PSD3: variants seen among roughly 807,000 people sequenced by gnomAD.
The protein encoded by PSD3 is PH and SEC7 domain-containing protein 3.
Under a neutral mutation model 105.5 loss-of-function variants are expected in PSD3, and 49 were observed. That is an observed-to-expected ratio of 0.46 (90% CI 0.37 to 0.59). PSD3 has a LOEUF of 0.59. Among genes scored for constraint, PSD3 ranks in the 20% least tolerant of loss-of-function variants. The pLI, the probability that PSD3 is intolerant of heterozygous loss-of-function variation, is 0.00. For synonymous variants in PSD3, 557 were observed against 457.8 expected, an observed-to-expected ratio of 1.22 and a Z score of -2.77; for missense variants, 1,561 against 1,263.8, an observed-to-expected ratio of 1.24 and a Z score of -3.57.
intron 8 of PSD3, among the ~76,000 whole-genome samples, chr8:18,785,937 G>A (rs1434247594): frequency 2.0e-5 from 3 of 152,168 alleles, no homozygotes; most frequent in Non-Finnish European, 4.4e-5. Context: ...ATTGAAAAAT[G>A]GCACTGATAA....
chr8:18,541,532 T>C (rs1431896117), intron 15 of PSD3, among the ~76,000 whole-genome samples: 1 of 152,250 alleles, frequency 6.6e-6, no homozygotes, highest in East Asian at 1.9e-4. Context: ...CCTGTCAGTA[T>C]TGAAGCTCAT....
At chr8:18,640,238 C>T (rs151318527) in intron 10 of PSD3, among the ~76,000 whole-genome samples, 75 of 152,250 alleles carry the variant, frequency 4.9e-4, no homozygotes, top group African/African-American at 1.6e-3. Flanking sequence ...ACCTATGCTG[C>T]TAAGTGTAGG....
intron 1 of PSD3, among the ~76,000 whole-genome samples, chr8:18,992,866 G>A (rs1390356991): frequency 2.6e-5 from 4 of 151,660 alleles, no homozygotes; most frequent in South Asian, 2.1e-4. Flanking sequence ...TCTAAGGTCC[G>A]TCTGAGCTCT....
chr8:18,721,319 G>T (rs1015691781), intron 9 of PSD3: 3 of 150,168 alleles, frequency 2.0e-5, no homozygotes, highest in Non-Finnish European at 4.4e-5. Flanking sequence ...GCACCCAGGG[G>T]TGCTATGTAA....
rs541472553 is a variant in PSD3 at position 18,702,419 on chromosome 8, C to G, written c.2173-46734G>C. ...TAGCACATCTTTACCTTAATTGGTA[C>G]TGTTTTCCCCTTTTTGTATTGTGAA... On this transcript the variant is annotated intron_variant, in intron 9 of 15. Coordinates refer to ENST00000327040, the MANE Select transcript of PSD3 (RefSeq NM_015310.4). 2.2e-3 allele frequency among the ~76,000 whole-genome samples: 329 copies of G among 152,292 alleles called. 2 individuals are homozygous for G. The highest frequency in any genetic ancestry group is 7.6e-3 in the African/African-American group (317 of 41,552).
intron 9 of PSD3, among the ~76,000 whole-genome samples, chr8:18,665,508 T>TA (rs1414214305): frequency 6.6e-6 from 1 of 152,242 alleles, no homozygotes. Flanking sequence ...AGATGGAAAC[T>TA]ACCCCCGGTG....
At chr8:18,978,809 C>G (rs547509656) in intron 1 of PSD3, among the ~76,000 whole-genome samples, 17 of 152,306 alleles carry the variant, frequency 1.1e-4, no homozygotes, top group African/African-American at 4.1e-4. Context: ...CAATCCCTCT[C>G]AATGACAATG....
chr8:18,887,955 T>C (rs562905316), intron 2 of PSD3, among the ~76,000 whole-genome samples: 28 of 152,262 alleles, frequency 1.8e-4, no homozygotes, highest in African/African-American at 6.7e-4. Flanking sequence ...ATTTTATAGA[T>C]GAAACTACTA....
rs935802260 is a variant in PSD3 at position 18,804,515 on chromosome 8, G to C, written c.1910+7C>G. 6 of 1,595,684 alleles carry C rather than the reference G, an allele frequency of 3.8e-6. No homozygotes were observed. The highest frequency in any genetic ancestry group is 5.2e-6 in the Non-Finnish European group (6 of 1,163,586). ...CAATGACGAGCAGCAAGGAGGCTTAGTCATACCTGAGTGACTGATCCAGCG... is the reference window on the plus strand; with the variant it reads ...CAATGACGAGCAGCAAGGAGGCTTACTCATACCTGAGTGACTGATCCAGCG... On this transcript the variant is annotated splice_region_variant and intron_variant, in intron 6 of 15. Transcript: ENST00000327040.
chr8:18,791,843 T>A (rs570913024), intron 8 of PSD3, among the ~76,000 whole-genome samples: 3 of 152,280 alleles, frequency 2.0e-5, no homozygotes, highest in African/African-American at 7.2e-5. Flanking sequence ...AATGGTCTAA[T>A]ACCCGGCACC....
Position 18,587,095 on chromosome 8 carries a change from G to A in PSD3, c.2482-11810C>T, listed in dbSNP as rs375871599. ...AATAGTGGGGGATTGGCTGAAGAAG[G>A]GAAGAAGAAGGAGAGACATTTCTGC... On this transcript the variant is annotated intron_variant, in intron 12 of 15. Coordinates refer to ENST00000327040, the MANE Select transcript of PSD3 (RefSeq NM_015310.4). 3.3e-5 allele frequency among the ~76,000 whole-genome samples: 5 copies of A among 152,256 alleles called. No homozygotes were observed. The East Asian group carries it at 9.7e-4, about 29-fold the overall frequency.
At chr8:19,081,199 G>C (rs1829635238) in intron 1 of PSD3, among the ~76,000 whole-genome samples, 1 of 151,926 alleles carries the variant, frequency 6.6e-6, no homozygotes, top group Non-Finnish European at 1.5e-5. Context: ...ACCACCCTGA[G>C]CTGAGACTCC....
At chr8:18,694,262 T>C (rs1267281757) in intron 9 of PSD3, among the ~76,000 whole-genome samples, 2 of 152,218 alleles carry the variant, frequency 1.3e-5, no homozygotes, top group Non-Finnish European at 1.5e-5. Context: ...ACCACCACAC[T>C]GTTCCCTAAG....
chr8:18,610,084 CA>C (rs906518970), intron 11 of PSD3, among the ~76,000 whole-genome samples: 1 of 151,890 alleles, frequency 6.6e-6, no homozygotes, highest in African/African-American at 2.4e-5. Flanking sequence ...TTACACATTA[CA>C]AAAAAAATCA....
At chr8:18,633,673 T>C (rs1034802977) in intron 10 of PSD3, among the ~76,000 whole-genome samples, 5 of 152,148 alleles carry the variant, frequency 3.3e-5, no homozygotes, top group African/African-American at 7.2e-5. Context: ...GAAGGGCATC[T>C]AGGTTAATTC....
chr8:18,618,322 T>C lies in PSD3; in HGVS notation c.2410+14291A>G, dbSNP rs1441835372. On this transcript the variant is annotated intron_variant, in intron 11 of 15. Coordinates refer to ENST00000327040, the MANE Select transcript of PSD3 (RefSeq NM_015310.4). ...ATAACTTTGGTCTCCCAAAAATGTA[T>C]ACAGACAGGTTATAACCCAACCACC... Among the ~76,000 whole-genome samples, 3 of 151,392 alleles carry C rather than the reference T, an allele frequency of 2.0e-5. 1 individual carries two copies. The highest frequency in any genetic ancestry group is 3.0e-5 in the Non-Finnish European group (2 of 67,638).
At chr8:18,914,067 G>C (rs971991145) in intron 2 of PSD3, among the ~76,000 whole-genome samples, 35 of 152,174 alleles carry the variant, frequency 2.3e-4, no homozygotes, top group African/African-American at 7.7e-4. Context: ...CCCCAGGGGA[G>C]CCAGGAACCA....
At chr8:18,944,103 G>A (rs1488857192) in intron 1 of PSD3, among the ~76,000 whole-genome samples, 3 of 152,258 alleles carry the variant, frequency 2.0e-5, no homozygotes, top group East Asian at 3.9e-4. Context: ...AAAGTTTCAG[G>A]CCAGTTATTT....
chr8:18,615,068 T>C (rs1033162451), intron 11 of PSD3, among the ~76,000 whole-genome samples: 8 of 152,236 alleles, frequency 5.3e-5, no homozygotes, highest in African/African-American at 1.9e-4. Context: ...TAAATTTCTT[T>C]TCAAAGAATA....
Sources: allele counts gnomAD v4.1 joint callset (sites outside exome capture counted in the v4.1 genomes callset), GRCh38; gene constraint gnomAD v4.1.1; transcripts MANE v1.5; gene names NCBI Gene and HGNC (gene_info 2026-07-23, HGNC 2026-07-21).